EIF4G3: variants seen among roughly 807,000 people sequenced by gnomAD.
EIF4G3 encodes the protein eukaryotic translation initiation factor 4 gamma 3.
In EIF4G3, 34 loss-of-function variants were observed where a neutral mutation model predicts 186.4. The observed-to-expected ratio is 0.18, with a 90% CI of 0.14 to 0.24. The LOEUF is 0.24. Ranked by LOEUF, EIF4G3 falls within the 10% of genes least tolerant of loss-of-function variation. EIF4G3 has a pLI of 1.00. For synonymous variants in EIF4G3, 673 were observed against 679.5 expected (o/e 0.99, Z 0.15); for missense variants, 1,536 against 1,948.5 (o/e 0.79, Z 3.99).
At position 20,880,282 on chromosome 1, in the gene EIF4G3, T is replaced by A. The variant is rs6677045; in HGVS notation, c.2425-762A>T. On this transcript the variant is annotated intron_variant, in intron 19 of 36. Transcript: ENST00000602326. The stretch of plus-strand genomic sequence containing the variant: ...TGCAGAGAAGATATAATTGTCTACA[T>A]AGACAATCATAAGGAATCTGCAAAA... Among the ~76,000 whole-genome samples, 938 of 152,300 alleles carry A rather than the reference T, an allele frequency of 6.2e-3. 8 individuals carry two copies. Among genetic ancestry groups the A allele is most frequent in the African/African-American group, 0.022 (904 of 41,568 alleles).
chr1:20,936,247 C>A (rs2095513367), intron 14 of EIF4G3, among the ~76,000 whole-genome samples: 1 of 152,098 alleles, frequency 6.6e-6, no homozygotes, highest in South Asian at 2.1e-4. Flanking sequence ...AGAAACATAC[C>A]TTTTAGGCAG....
intron 2 of EIF4G3, among the ~76,000 whole-genome samples, chr1:21,150,801 AC>A (rs755720187): frequency 6.6e-6 from 1 of 152,010 alleles, no homozygotes; most frequent in Non-Finnish European, 1.5e-5. Context: ...ACATGGTGAA[AC>A]CCCGTTTCTA....
At chr1:21,145,445 T>G (rs4276880) in intron 2 of EIF4G3, among the ~76,000 whole-genome samples, 3,114 of 152,046 alleles carry the variant, frequency 0.02, 60 homozygotes, top group Non-Finnish European at 0.027. Context: ...CTTTTTTTTT[T>G]TTAAGAGACA....
intron 7 of EIF4G3, among the ~76,000 whole-genome samples, chr1:20,984,811 A>T (rs192296933): frequency 6.6e-6 from 1 of 151,984 alleles, no homozygotes; most frequent in Admixed American, 6.6e-5. Context: ...GATGGTCTCA[A>T]TCTCCTGACC....
chr1:20,978,652 T>G (rs2077333756), intron 10 of EIF4G3, among the ~76,000 whole-genome samples: 1 of 144,898 alleles, frequency 6.9e-6, no homozygotes, highest in African/African-American at 2.6e-5. Flanking sequence ...TGCCAATTAG[T>G]CACTTAGTAG....
At chr1:20,936,847 G>A (rs2095532363) in intron 14 of EIF4G3, among the ~76,000 whole-genome samples, 1 of 152,176 alleles carries the variant, frequency 6.6e-6, no homozygotes, top group East Asian at 1.9e-4. Context: ...ACATGGATCA[G>A]TATTTTGTTA....
chr1:20,910,532 C>A (rs1186232907), intron 14 of EIF4G3, among the ~76,000 whole-genome samples: 1 of 152,064 alleles, frequency 6.6e-6, no homozygotes, highest in Non-Finnish European at 1.5e-5. Flanking sequence ...TGCAGTGAGC[C>A]AAGATTATGC....
intron 10 of EIF4G3, among the ~76,000 whole-genome samples, chr1:20,974,783 T>C (rs921811882): frequency 4.6e-5 from 7 of 152,122 alleles, no homozygotes; most frequent in Non-Finnish European, 7.4e-5. Flanking sequence ...AAGAAAGAAT[T>C]GCTAGAGTAA....
intron 2 of EIF4G3, among the ~76,000 whole-genome samples, chr1:21,131,054 A>G (rs1005938268): frequency 1.3e-5 from 2 of 152,022 alleles, no homozygotes; most frequent in African/African-American, 4.8e-5. Flanking sequence ...AGGCTGGCCA[A>G]CATGGCAAAA....
intron 2 of EIF4G3, among the ~76,000 whole-genome samples, chr1:21,162,743 A>G (rs1034298932): frequency 6.0e-5 from 1 of 16,674 alleles, no homozygotes; most frequent in Non-Finnish European, 2.1e-4. Context: ...GCGAGACTCC[A>G]TCTCCAAAAA....
chr1:20,952,300 G>A (rs983700152), intron 12 of EIF4G3, among the ~76,000 whole-genome samples: 1 of 151,846 alleles, frequency 6.6e-6, no homozygotes, highest in Non-Finnish European at 1.5e-5. Context: ...GGCTACAGGT[G>A]TGCGCCACCA....
intron 6 of EIF4G3, chr1:20,999,353 T>A: frequency 2.5e-6 from 1 of 397,328 alleles, no homozygotes; most frequent in African/African-American, 2.1e-5. Flanking sequence ...AACATCATAC[T>A]TCTACTATGG....
chr1:21,054,208 C>T (rs1328936514), intron 3 of EIF4G3, among the ~76,000 whole-genome samples: 1 of 151,844 alleles, frequency 6.6e-6, no homozygotes, highest in Non-Finnish European at 1.5e-5. Flanking sequence ...GCTGTGTCCA[C>T]TCAGGGTTGA....
intron 2 of EIF4G3, among the ~76,000 whole-genome samples, chr1:21,131,721 C>A (rs1190804242): frequency 6.6e-6 from 1 of 152,036 alleles, no homozygotes; most frequent in Non-Finnish European, 1.5e-5. Flanking sequence ...GTGGCTCACA[C>A]CTGTAATCCC....
intron 2 of EIF4G3, among the ~76,000 whole-genome samples, chr1:21,157,736 C>A (rs897063857): frequency 6.6e-6 from 1 of 152,164 alleles, no homozygotes; most frequent in Non-Finnish European, 1.5e-5. Context: ...TTATTGTGCA[C>A]CTGCTAAGAA....
chr1:20,982,977 C>T (rs1049860866), intron 7 of EIF4G3, among the ~76,000 whole-genome samples: 2 of 152,112 alleles, frequency 1.3e-5, no homozygotes, highest in Non-Finnish European at 2.9e-5. Flanking sequence ...TGTGGTCTTG[C>T]ACCAAAATAA....
chr1:20,830,677 T>C (rs545466697), intron 30 of EIF4G3, among the ~76,000 whole-genome samples: 1 of 152,356 alleles, frequency 6.6e-6, no homozygotes, highest in Admixed American at 6.5e-5. Flanking sequence ...TTATCTCATA[T>C]ATTTTATCTC....
chr1:21,172,802 C>A (rs2098010823), intron 2 of EIF4G3, among the ~76,000 whole-genome samples: 1 of 151,036 alleles, frequency 6.6e-6, no homozygotes, highest in South Asian at 2.1e-4. Flanking sequence ...CCCACCTCGG[C>A]CTCCCAAAGT....
chr1:21,149,491 C>T (rs148735438), intron 2 of EIF4G3, among the ~76,000 whole-genome samples: 4 of 152,274 alleles, frequency 2.6e-5, no homozygotes, highest in African/African-American at 7.2e-5. Context: ...TCCAGATATA[C>T]GGTATTTTAC....
Sources: allele counts gnomAD v4.1 joint callset (sites outside exome capture counted in the v4.1 genomes callset), GRCh38; gene constraint gnomAD v4.1.1; transcripts MANE v1.5; gene names NCBI Gene and HGNC (gene_info 2026-07-23, HGNC 2026-07-21).